Variants in RAPGEF1 observed in about 807,000 individuals in gnomAD.
RAPGEF1 encodes CRK SH3-binding GNRP.
Under a neutral mutation model 143.3 loss-of-function variants are expected in RAPGEF1, and 33 were observed. The ratio of observed to expected loss-of-function variants is 0.23; its 90% CI spans 0.17 to 0.31. RAPGEF1 has a LOEUF of 0.31. Ranked by LOEUF, RAPGEF1 falls within the 10% of genes least tolerant of loss-of-function variation. The pLI is 1.00. For synonymous variants in RAPGEF1, 629 were observed against 676.5 expected (o/e 0.93, Z 1.09); for missense variants, 1,199 against 1,645.4 (o/e 0.73, Z 4.69).
At chr9:131,623,835 G>A (rs1962060065) in intron 10 of RAPGEF1, among the ~76,000 whole-genome samples, 1 of 152,234 alleles carries the variant, frequency 6.6e-6, no homozygotes, top group African/African-American at 2.4e-5. Flanking sequence ...CATTGGGACT[G>A]AGCGTGCATG....
chr9:131,738,220 T>C (rs1388688084), intron 1 of RAPGEF1, among the ~76,000 whole-genome samples: 1 of 146,330 alleles, frequency 6.8e-6, no homozygotes, highest in Non-Finnish European at 1.5e-5. Flanking sequence ...CATAATATAA[T>C]CTTATATTAG....
At chr9:131,633,781 G>C (rs1266668278) in intron 5 of RAPGEF1, among the ~76,000 whole-genome samples, 1 of 152,178 alleles carries the variant, frequency 6.6e-6, no homozygotes, top group Non-Finnish European at 1.5e-5. Flanking sequence ...CTTTAGTCTT[G>C]ACTTGCCTTA....
At chr9:131,610,235 T>C (rs914523404) in intron 12 of RAPGEF1, among the ~76,000 whole-genome samples, 8 of 152,288 alleles carry the variant, frequency 5.3e-5, no homozygotes, top group African/African-American at 1.9e-4. Flanking sequence ...GAGTCCTCAA[T>C]ATAACAGCCA....
rs1972346711 is a variant in RAPGEF1 at position 131,655,890 on chromosome 9, A to C, written c.62-4941T>G. On this transcript the variant is annotated intron_variant, in intron 1 of 26. Transcript: ENST00000683357. This position sits in a 1 kb window ranked among gnomAD's most constrained non-coding sequence, Gnocchi z 4.1. Reference sequence around the variant, plus strand: ...GTGTGAGCCACCGCGCCCGGCCAAAAAATTTTCTAAAAGGGGGGTGTGCAC... The same window carrying C: ...GTGTGAGCCACCGCGCCCGGCCAAACAATTTTCTAAAAGGGGGGTGTGCAC... Among the ~76,000 whole-genome samples, 1 of 151,870 alleles carries C rather than the reference A, an allele frequency of 6.6e-6. No individual in the cohort carries two copies. Among genetic ancestry groups the C allele is most frequent in the African/African-American group, 2.4e-5 (1 of 41,328 alleles).
intron 1 of RAPGEF1, among the ~76,000 whole-genome samples, chr9:131,685,117 T>C (rs1230992375): frequency 1.3e-5 from 2 of 152,212 alleles, no homozygotes; most frequent in South Asian, 2.1e-4. Flanking sequence ...GACATATTTA[T>C]CTAGTAACCC....
chr9:131,712,842 C>T (rs1418539706), intron 1 of RAPGEF1, among the ~76,000 whole-genome samples: 3 of 152,130 alleles, frequency 2.0e-5, no homozygotes, highest in Non-Finnish European at 2.9e-5. Flanking sequence ...AAAATAACTC[C>T]AATGTGAACT....
chr9:131,600,781 C>T (rs2132443004), intron 15 of RAPGEF1, among the ~76,000 whole-genome samples: 1 of 152,246 alleles, frequency 6.6e-6, no homozygotes, highest in East Asian at 1.9e-4. Flanking sequence ...TTTGCAGATC[C>T]TACACATCAT....
At chr9:131,586,228 A>ACC (rs1952723738) in intron 22 of RAPGEF1, among the ~76,000 whole-genome samples, 1 of 149,324 alleles carries the variant, frequency 6.7e-6, no homozygotes, top group African/African-American at 2.5e-5. Flanking sequence ...ACACACACAC[A>ACC]CACACCTGCA....
chr9:131,737,274 C>A, intron 1 of RAPGEF1: 2 of 1,429,580 alleles, frequency 1.4e-6, no homozygotes, highest in South Asian at 1.2e-5. Flanking sequence ...CCTGGTCAGC[C>A]CCTTCCCCTC....
At chr9:131,649,769 C>A (rs1970617825) in intron 3 of RAPGEF1, among the ~76,000 whole-genome samples, 1 of 152,134 alleles carries the variant, frequency 6.6e-6, no homozygotes, top group Non-Finnish European at 1.5e-5. Flanking sequence ...GCTTCAGAAG[C>A]CTTTTCCCTT....
At chr9:131,592,401 C>T (rs540115463) in intron 17 of RAPGEF1, among the ~76,000 whole-genome samples, 28 of 152,256 alleles carry the variant, frequency 1.8e-4, no homozygotes, top group South Asian at 2.1e-4. Flanking sequence ...TCAAAGGAAA[C>T]GGCAGATCAG....
intron 1 of RAPGEF1, chr9:131,709,864 G>A: frequency 7.0e-7 from 1 of 1,421,834 alleles, no homozygotes; most frequent in Non-Finnish European, 9.1e-7. Context: ...TTTGCCTTCT[G>A]CCTTTCAAAA....
chr9:131,711,743 A>G lies in RAPGEF1; in HGVS notation c.61+28027T>C, dbSNP rs149288804. Among the ~76,000 whole-genome samples the G allele has an allele frequency of 4.1e-3, 627 of 152,360 alleles. 3 individuals carry two copies. The highest frequency in any genetic ancestry group is 0.015 in the African/African-American group (607 of 41,584). On this transcript the variant is annotated intron_variant, in intron 1 of 26. Transcript: ENST00000683357. The stretch of plus-strand genomic sequence containing the variant: ...TTCGGTCAATTTAGTCAAAAGCACC[A>G]AAGTAAATTTATTTTACAGAGTTGG...
rs561474700 is a variant in RAPGEF1, at chr9:131,603,091, T to G, written c.2412+870A>C. 2.0e-5 allele frequency among the ~76,000 whole-genome samples: 3 copies of G among 152,296 alleles called. No homozygotes were observed. The South Asian group carries it at 6.2e-4, about 32-fold the overall frequency. ...TCCCACTGGAGTGGACACTCTTCAA[T>G]GTTCTATAACCTGCTAATGTCTGAA... is the stretch of plus-strand genomic sequence containing the variant. On this transcript the variant is annotated intron_variant, in intron 14 of 26. Transcript: ENST00000683357.
At position 131,580,301 on chromosome 9, in the gene RAPGEF1, C is replaced by G; in HGVS notation, c.3603G>C (p.Gln1201His). The change falls in exon 26 of 27, where the codon CAG becomes CAC. Residue 1201 changes from glutamine (Q) to histidine (H), a missense_variant. Physicochemically the swap from Gln to His is conservative, Grantham distance 24. This residue lies in a region of RAPGEF1 where 67 missense variants were observed against 105.4 expected (regional missense o/e 0.64). Coordinates refer to ENST00000683357, the MANE Select transcript of RAPGEF1 (RefSeq NM_001377935.1). ...AGCGCATGCTGTCGAGGATGTTGAA[C>G]TGCTGCCACCGCTTGGAGAAGTTCA... The part of the protein sequence containing the change: ...GKVNFSKRWQ[Q>H]FNILDSMRCF... 6.2e-7 allele frequency: 1 copy of G among 1,614,032 alleles called. No homozygotes were observed. Among genetic ancestry groups the G allele is most frequent in the Admixed American group, 1.7e-5 (1 of 60,034 alleles).
chr9:131,640,627 G>A (rs1183856087), intron 4 of RAPGEF1, among the ~76,000 whole-genome samples: 3 of 152,118 alleles, frequency 2.0e-5, no homozygotes, highest in Admixed American at 6.5e-5. Context: ...GGGCCTCTGC[G>A]TGCCTCACTC....
intron 13 of RAPGEF1, among the ~76,000 whole-genome samples, chr9:131,604,318 T>C (rs1588366818): frequency 6.6e-6 from 1 of 152,100 alleles, no homozygotes; most frequent in East Asian, 1.9e-4. Context: ...CGGGAAACGA[T>C]TATGGAGGGA....
At chr9:131,662,519 C>T (rs1297535362) in intron 1 of RAPGEF1, among the ~76,000 whole-genome samples, 1 of 151,944 alleles carries the variant, frequency 6.6e-6, no homozygotes, top group Non-Finnish European at 1.5e-5. Context: ...AGGCATGCGC[C>T]ACTATGCCTG....
chr9:131,581,624 C>A lies in RAPGEF1; in HGVS notation c.3512+981G>T, dbSNP rs531799035. 4.6e-5 allele frequency among the ~76,000 whole-genome samples: 7 copies of A among 152,222 alleles called. No individual in the cohort carries two copies. The East Asian group carries it at 1.4e-3, about 29-fold the overall frequency. On this transcript the variant is annotated intron_variant, in intron 25 of 26. Coordinates refer to ENST00000683357, the MANE Select transcript of RAPGEF1 (RefSeq NM_001377935.1). ...GGCTGAGGTGGGAGAACTGCTTGAA[C>A]TCAGGAGGCAGAGATTGCAGTGAGC...
Sources: gnomAD v4.1 joint callset for allele counts (sites outside exome capture counted in the v4.1 genomes callset) on GRCh38, gnomAD v4.1.1 for gene constraint, gnomAD v4.1.1 regional missense constraint, Gnocchi (gnomAD v3.1) non-coding constraint, MANE v1.5 for transcripts, NCBI Gene and HGNC (gene_info 2026-07-23, HGNC 2026-07-21) for gene names.